GYPB: variants seen among roughly 807,000 people sequenced by gnomAD.
The protein encoded by GYPB is glycophorin-B.
In GYPB, 13 loss-of-function variants were observed where a neutral mutation model predicts 15.3. The observed-to-expected ratio is 0.85, with a 90% confidence interval of 0.55 to 1.35. The LOEUF (loss-of-function observed/expected upper bound fraction) is 1.35, where lower values mean the gene tolerates loss of function less well. Among genes scored for constraint, GYPB ranks in the 40% most tolerant of loss-of-function variants. The pLI is 0.00. For missense variants in GYPB, 131 were observed against 108.3 expected, an observed-to-expected ratio of 1.21 and a Z score of -0.93; for synonymous variants, 38 against 36.9, an observed-to-expected ratio of 1.03 and a Z score of -0.11.
At chr4:144,005,109 A>T (rs1727835470) in intron 1 of GYPB, among the ~76,000 whole-genome samples, 1 of 151,968 alleles carries the variant, frequency 6.6e-6, no homozygotes, top group South Asian at 2.1e-4. Flanking sequence ...AGGTCAGTTT[A>T]AGTATTGCCC....
At chr4:144,000,650 C>G (rs1389626530) in intron 2 of GYPB, among the ~76,000 whole-genome samples, 1 of 151,178 alleles carries the variant, frequency 6.6e-6, no homozygotes, top group Non-Finnish European at 1.5e-5. Flanking sequence ...ATCTCAGCAC[C>G]CAGCTTTGCT....
chr4:144,010,912 G>T (rs181443872), intron 1 of GYPB, among the ~76,000 whole-genome samples: 2 of 151,296 alleles, frequency 1.3e-5, no homozygotes, highest in African/African-American at 4.9e-5. Flanking sequence ...ACACATGAAA[G>T]GATAAGGGCA....
At chr4:144,007,531 G>C (rs1178343775) in intron 1 of GYPB, among the ~76,000 whole-genome samples, 1 of 151,332 alleles carries the variant, frequency 6.6e-6, no homozygotes, top group African/African-American at 2.5e-5. Flanking sequence ...CATCCACACT[G>C]TCCCAAACCA....
chr4:144,005,660 C>T (rs1038760403), intron 1 of GYPB, among the ~76,000 whole-genome samples: 7 of 151,720 alleles, frequency 4.6e-5, no homozygotes, highest in African/African-American at 1.7e-4. Context: ...TGAAAAATTT[C>T]ACTTCTCTCT....
intron 1 of GYPB, among the ~76,000 whole-genome samples, chr4:144,002,358 A>C (rs1231687985): frequency 6.6e-6 from 1 of 151,502 alleles, no homozygotes; most frequent in East Asian, 1.9e-4. Context: ...AATGTTTACA[A>C]GTCTGACTTT....
At chr4:144,011,717 A>AT (rs1174850508) in intron 1 of GYPB, among the ~76,000 whole-genome samples, 1 of 151,350 alleles carries the variant, frequency 6.6e-6, no homozygotes, top group East Asian at 1.9e-4. Flanking sequence ...GATTTATATG[A>AT]TTTTTTGCTA....
In GYPB at chr4:144,008,013, T is replaced by C. The variant is rs949766790; in HGVS notation, c.38-6730A>G. On this transcript the variant is annotated intron_variant, in intron 1 of 4. Transcript: ENST00000502664. ...TGTATGTCTAAGATAATAATATTTGTAGTTAACACTTACTGCACACTTACT... is the reference window on the plus strand; with the variant it reads ...TGTATGTCTAAGATAATAATATTTGCAGTTAACACTTACTGCACACTTACT... Among the ~76,000 whole-genome samples the C allele has an allele frequency of 5.9e-5, 9 of 151,472 alleles. 1 individual carries two copies. Among genetic ancestry groups the C allele is most frequent in the African/African-American group, 2.2e-4 (9 of 40,740 alleles).
chr4:144,010,693 A>G (rs1728171294), intron 1 of GYPB, among the ~76,000 whole-genome samples: 1 of 151,294 alleles, frequency 6.6e-6, no homozygotes, highest in African/African-American at 2.5e-5. Flanking sequence ...CCAGATCAAT[A>G]GCGTATGACA....
chr4:143,996,383 G>A, intron 4 of GYPB, 79 bp from the exon 5 acceptor site: 2 of 1,547,868 alleles, frequency 1.3e-6, no homozygotes, highest in South Asian at 1.2e-5. Context: ...CCTCTGATTG[G>A]TCACAGGCCA....
intron 1 of GYPB, among the ~76,000 whole-genome samples, chr4:144,018,131 C>G (rs577538845): frequency 1.1e-4 from 16 of 151,446 alleles, no homozygotes; most frequent in South Asian, 2.1e-4. Flanking sequence ...TCTGGCATCG[C>G]TAAGTGTATT....
intron 1 of GYPB, among the ~76,000 whole-genome samples, chr4:144,017,355 AG>A (rs1212771014): frequency 6.8e-6 from 1 of 147,044 alleles, no homozygotes; most frequent in Non-Finnish European, 1.5e-5. Flanking sequence ...AAAAAGAAAA[AG>A]AAAAAAAAAG....
At chr4:144,005,197 G>A (rs1344748154) in intron 1 of GYPB, among the ~76,000 whole-genome samples, 1 of 151,942 alleles carries the variant, frequency 6.6e-6, no homozygotes, top group Non-Finnish European at 1.5e-5. Flanking sequence ...TTTACAGATA[G>A]ACATTTGGTC....
chr4:144,008,504 C>T lies in GYPB; in HGVS notation c.38-7221G>A, dbSNP rs2875046. 2,523 of 455,000 alleles carry T rather than the reference C, an allele frequency of 5.5e-3. 195 individuals are homozygous for T. The highest frequency in any genetic ancestry group is 0.047 in the African/African-American group (2,316 of 49,306). The allele number at this position is 455,000 out of a possible 1,614,324, so 28.2% of individuals were successfully genotyped here. On this transcript the variant is annotated intron_variant, in intron 1 of 4. Transcript: ENST00000502664. ...GAAGATGGTTCTGGTTATTAACAGT[C>T]TGTTAAGTTGAATCTTAATTTTTCC...
At chr4:144,017,393 C>A (rs757026575) in intron 1 of GYPB, among the ~76,000 whole-genome samples, 21 of 150,284 alleles carry the variant, frequency 1.4e-4, no homozygotes, top group African/African-American at 5.0e-4. Context: ...GTTTAGTCTT[C>A]GGCTAATCAG....
chr4:143,999,552 A>C lies in GYPB; in HGVS notation c.137-103T>G. The C allele has an allele frequency of 4.5e-6, 3 of 660,310 alleles. No individual in the cohort carries two copies. In the South Asian group the frequency reaches 5.3e-5, roughly 12 times the overall value. 40.9% of individuals were successfully genotyped at this position (660,310 alleles called of 1,614,324 possible). On this transcript the variant is annotated intron_variant, in intron 2 of 4. Transcript: ENST00000502664. Reference sequence around the variant, plus strand: ...TTCTGCGGGTTTCCTTTTCTTAATCATATTTTGAGAGTTGTTGGTCAACTT... The same window carrying C: ...TTCTGCGGGTTTCCTTTTCTTAATCCTATTTTGAGAGTTGTTGGTCAACTT...
chr4:144,005,853 G>A (rs1727883640), intron 1 of GYPB, among the ~76,000 whole-genome samples: 1 of 151,490 alleles, frequency 6.6e-6, no homozygotes, highest in Admixed American at 6.6e-5. Context: ...GAACCCTGAA[G>A]GATGGGCAGA....
intron 2 of GYPB, chr4:144,000,556 T>A: frequency 5.5e-6 from 2 of 362,394 alleles, no homozygotes; most frequent in South Asian, 2.3e-5. Flanking sequence ...AGACAAATTC[T>A]CCCACATCCC....
At position 143,996,157 on chromosome 4, in the gene GYPB, TGAG is replaced by T; in HGVS notation, c.*139_*141del. The T allele has an allele frequency of 1.3e-6, 2 of 1,514,760 alleles. No homozygotes were observed. The highest frequency in any genetic ancestry group is 1.8e-6 in the Non-Finnish European group (2 of 1,125,066). The allele number at this position is 1,514,760 out of a possible 1,614,324, so 93.8% of individuals were successfully genotyped here. A position where few individuals can be genotyped will look rare whatever the true frequency, so the allele number is the denominator to read the frequency against. Reference sequence around the variant, plus strand: ...TTAGAAGTAGAGAATACAGTAATAGTGAGGCAGGAGAACAGGGAATTAGGATAG... The same window carrying T: ...TTAGAAGTAGAGAATACAGTAATAGTGCAGGAGAACAGGGAATTAGGATAG... On this transcript the variant is annotated 3_prime_UTR_variant, in exon 5 of 5. Coordinates refer to ENST00000502664, the MANE Select transcript of GYPB (RefSeq NM_002100.6).
At chr4:144,008,361 T>G (rs1728034578) in intron 1 of GYPB, 1 of 454,664 alleles carries the variant, frequency 2.2e-6, no homozygotes, top group Admixed American at 2.4e-5. Context: ...AAATCAGGGC[T>G]AAATGAAGAG....
Sources: allele counts gnomAD v4.1 joint callset (sites outside exome capture counted in the v4.1 genomes callset), GRCh38; gene constraint gnomAD v4.1.1; transcripts MANE v1.5; gene names NCBI Gene and HGNC (gene_info 2026-07-23, HGNC 2026-07-21).